Variants in NXPH2 observed in about 807,000 individuals in gnomAD.
The protein encoded by NXPH2 is neurexophilin 2, also known as neurexophilin-2.
A neutral mutation model predicts 19.8 loss-of-function variants in NXPH2; 5 were observed. The ratio of observed to expected loss-of-function variants is 0.25; its 90% CI spans 0.13 to 0.53. The LOEUF is 0.53. Among genes scored for constraint, NXPH2 ranks in the 20% least tolerant of loss-of-function variants. NXPH2 has a pLI of 0.96. For synonymous variants in NXPH2, 154 were observed against 127.4 expected (o/e 1.21, Z -1.41); for missense variants, 289 against 322.8 (o/e 0.90, Z 0.80).
intron 1 of NXPH2, among the ~76,000 whole-genome samples, chr2:138,701,218 A>T (rs1680917362): frequency 1.3e-5 from 2 of 152,098 alleles, no homozygotes; most frequent in Non-Finnish European, 2.9e-5. Flanking sequence ...GGGGTGGGTT[A>T]TACCTTGTTT....
At position 138,780,263 on chromosome 2, in the gene NXPH2, T is replaced by C; in HGVS notation, c.-22A>G. On this transcript the variant is annotated 5_prime_UTR_variant, in exon 1 of 2. An upstream open reading frame in the 5' UTR loses its in-frame stop. Transcript: ENST00000272641. ...GCATGGTGCCGGCTGGCGCGGCTTT[T>C]CACGAGCTGCGCGCCCTCGCCTGCC... 7.1e-7 allele frequency: 1 copy of C among 1,417,582 alleles called. No homozygotes were observed. The highest frequency in any genetic ancestry group is 9.1e-7 in the Non-Finnish European group (1 of 1,096,504). 87.8% of individuals were successfully genotyped at this position (1,417,582 alleles called of 1,614,324 possible).
At chr2:138,745,492 G>C (rs1445004995) in intron 1 of NXPH2, among the ~76,000 whole-genome samples, 1 of 27,708 alleles carries the variant, frequency 3.6e-5, no homozygotes, top group Non-Finnish European at 1.0e-4. Flanking sequence ...TCTTTTTTTG[G>C]CGGGGGGGGG....
chr2:138,699,418 T>C (rs1311415141), intron 1 of NXPH2, among the ~76,000 whole-genome samples: 1 of 152,076 alleles, frequency 6.6e-6, no homozygotes, highest in Non-Finnish European at 1.5e-5. Flanking sequence ...CAATCTAGAT[T>C]ACCAGTCTAT....
chr2:138,693,145 C>T (rs190515137), intron 1 of NXPH2, among the ~76,000 whole-genome samples: 1 of 152,190 alleles, frequency 6.6e-6, no homozygotes, highest in East Asian at 1.9e-4. Context: ...CATGCTTTAC[C>T]TCTCAACATA....
chr2:138,711,267 A>G (rs1247538235), intron 1 of NXPH2, among the ~76,000 whole-genome samples: 1 of 149,606 alleles, frequency 6.7e-6, no homozygotes, highest in African/African-American at 2.5e-5. Flanking sequence ...CAGCCTCCGG[A>G]GTAGCTGGGA....
intron 1 of NXPH2, among the ~76,000 whole-genome samples, chr2:138,720,478 G>C (rs1211311913): frequency 6.6e-6 from 1 of 152,212 alleles, no homozygotes; most frequent in African/African-American, 2.4e-5. Context: ...TCAAGAGTGA[G>C]GGCTGACTGC....
chr2:138,723,120 T>C (rs1478987539), intron 1 of NXPH2, among the ~76,000 whole-genome samples: 1 of 152,086 alleles, frequency 6.6e-6, no homozygotes, highest in Non-Finnish European at 1.5e-5. Context: ...AGATTTACTG[T>C]AGGGTTTCAC....
chr2:138,759,323 T>C (rs995156380), intron 1 of NXPH2, among the ~76,000 whole-genome samples: 8 of 152,204 alleles, frequency 5.3e-5, no homozygotes, highest in African/African-American at 1.9e-4. Context: ...GCAAGCAGGC[T>C]AGTGGTGGCA....
Position 138,686,438 on chromosome 2 carries a change from C to T in NXPH2, c.52-14773G>A, listed in dbSNP as rs376830223. On this transcript the variant is annotated intron_variant, in intron 1 of 1. Transcript: ENST00000272641. ...TTAGGAATTAGGCCCAGTAAATTTTCTAAAATGCAAATTTAGCTGTGAGAT... is the reference window on the plus strand; with the variant it reads ...TTAGGAATTAGGCCCAGTAAATTTTTTAAAATGCAAATTTAGCTGTGAGAT... Among the ~76,000 whole-genome samples, 11 of 152,040 alleles carry T rather than the reference C, an allele frequency of 7.2e-5. No individual in the cohort carries two copies. In the East Asian group the frequency reaches 2.1e-3, roughly 29 times the overall value.
Position 138,671,115 on chromosome 2 carries a change from G to T in NXPH2, c.602C>A (p.Ala201Asp), listed in dbSNP as rs1281084490. Reference sequence around the variant, plus strand: ...CTTGGATGGGTCAAAGTTGCACAGGGCGGTCTTTTTCGCCCGATCTGTTTT... The same window carrying T: ...CTTGGATGGGTCAAAGTTGCACAGGTCGGTCTTTTTCGCCCGATCTGTTTT... ...YEKTDRAKKT[A>D]LCNFDPSKIC... Residue 201 changes from alanine (A) to aspartate (D), a missense_variant, in exon 2 of 2, where the codon GCC (alanine) becomes GAC (aspartate). Transcript: ENST00000272641. 1.9e-6 allele frequency: 3 copies of T among 1,613,822 alleles called. No homozygotes were observed. The highest frequency in any genetic ancestry group is 2.5e-6 in the Non-Finnish European group (3 of 1,179,876).
chr2:138,700,880 C>A (rs1309727388), intron 1 of NXPH2, among the ~76,000 whole-genome samples: 2 of 152,096 alleles, frequency 1.3e-5, no homozygotes, highest in Non-Finnish European at 2.9e-5. Context: ...TATCTTCTAA[C>A]TGCAGGAGAA....
At chr2:138,708,088 G>A (rs1681044662) in intron 1 of NXPH2, among the ~76,000 whole-genome samples, 1 of 152,158 alleles carries the variant, frequency 6.6e-6, no homozygotes, top group Non-Finnish European at 1.5e-5. Flanking sequence ...GTGTGGCACT[G>A]TGCTTGTCTT....
At chr2:138,739,604 G>A (rs532024558) in intron 1 of NXPH2, among the ~76,000 whole-genome samples, 1 of 152,156 alleles carries the variant, frequency 6.6e-6, no homozygotes, top group African/African-American at 2.4e-5. Flanking sequence ...GTGGGACATG[G>A]TGGGGGCAGG....
chr2:138,700,859 A>C (rs1396371858), intron 1 of NXPH2, among the ~76,000 whole-genome samples: 5 of 152,080 alleles, frequency 3.3e-5, no homozygotes, highest in African/African-American at 7.2e-5. Context: ...GTTGAACCAC[A>C]GTGGCGCTGA....
At chr2:138,686,558 T>G (rs927836218) in intron 1 of NXPH2, among the ~76,000 whole-genome samples, 2 of 148,340 alleles carry the variant, frequency 1.3e-5, no homozygotes, top group African/African-American at 5.3e-5. Flanking sequence ...TTTTATTTTA[T>G]TTTTTTATTA....
At chr2:138,768,316 G>C (rs951645720) in intron 1 of NXPH2, among the ~76,000 whole-genome samples, 2 of 152,152 alleles carry the variant, frequency 1.3e-5, no homozygotes, top group Non-Finnish European at 2.9e-5. Context: ...GCTGGAATGG[G>C]TCTTCTCTGT....
At chr2:138,748,603 C>T (rs1681778368) in intron 1 of NXPH2, among the ~76,000 whole-genome samples, 1 of 152,268 alleles carries the variant, frequency 6.6e-6, no homozygotes, top group Admixed American at 6.5e-5. Context: ...CCCTCTCTCT[C>T]TCTTACATGC....
chr2:138,672,135 A>C (rs1680425875), intron 1 of NXPH2, among the ~76,000 whole-genome samples: 1 of 152,226 alleles, frequency 6.6e-6, no homozygotes, highest in African/African-American at 2.4e-5. Flanking sequence ...GGATTATTAC[A>C]TTCAAAGGCT....
chr2:138,761,242 G>A (rs867439776), intron 1 of NXPH2, among the ~76,000 whole-genome samples: 10 of 152,028 alleles, frequency 6.6e-5, no homozygotes, highest in Admixed American at 4.6e-4. Context: ...TTTCACCAGC[G>A]CATTCTCTGA....
Sources: gnomAD v4.1 joint callset for allele counts (sites outside exome capture counted in the v4.1 genomes callset) on GRCh38, gnomAD v4.1.1 for gene constraint, MANE v1.5 for transcripts, NCBI Gene and HGNC (gene_info 2026-07-23, HGNC 2026-07-21) for gene names.